RSRC1: variants seen among roughly 807,000 people sequenced by gnomAD.
The protein encoded by RSRC1 is serine/Arginine-related protein 53.
A neutral mutation model predicts 49.1 loss-of-function variants in RSRC1; 39 were observed. The ratio of observed to expected loss-of-function variants is 0.79; its 90% CI spans 0.61 to 1.04. The LOEUF (loss-of-function observed/expected upper bound fraction) is 1.04. RSRC1 is among the 50% of genes least tolerant of loss of function. The pLI is 0.00. For synonymous variants in RSRC1, 143 were observed against 130.8 expected (o/e 1.09, Z -0.63); for missense variants, 388 against 402.4 (o/e 0.96, Z 0.31).
intron 5 of RSRC1, among the ~76,000 whole-genome samples, chr3:158,323,988 G>A (rs1728918252): frequency 6.6e-6 from 1 of 152,028 alleles, no homozygotes; most frequent in African/African-American, 2.4e-5. Flanking sequence ...ATCTAAATTT[G>A]TATCCTGCAT....
chr3:158,423,730 G>A (rs1466496054), intron 6 of RSRC1, among the ~76,000 whole-genome samples: 2 of 151,998 alleles, frequency 1.3e-5, no homozygotes, highest in African/African-American at 2.4e-5. Flanking sequence ...TCTTTCATTT[G>A]TTGTATCCTC....
chr3:158,335,748 GCCAC>G (rs1236072757), intron 5 of RSRC1, among the ~76,000 whole-genome samples: 1 of 152,158 alleles, frequency 6.6e-6, no homozygotes, highest in Non-Finnish European at 1.5e-5. Context: ...ACTCAATTCT[GCCAC>G]TTGGAGCCAT....
At chr3:158,423,994 G>T (rs1469308853) in intron 6 of RSRC1, among the ~76,000 whole-genome samples, 2 of 149,760 alleles carry the variant, frequency 1.3e-5, no homozygotes, top group African/African-American at 2.5e-5. Flanking sequence ...GGGTTTTCTA[G>T]ATATACAATC....
At chr3:158,425,481 A>G (rs2108346914) in intron 6 of RSRC1, among the ~76,000 whole-genome samples, 1 of 152,158 alleles carries the variant, frequency 6.6e-6, no homozygotes, top group Admixed American at 6.6e-5. Context: ...ACATTTGCTG[A>G]GGAGAGCTTT....
intron 5 of RSRC1, among the ~76,000 whole-genome samples, chr3:158,325,995 T>C (rs1260446863): frequency 6.6e-6 from 1 of 152,198 alleles, no homozygotes. Context: ...GAAGCAATAG[T>C]GAATAGCAGT....
At chr3:158,179,922 T>C (rs150357115) in intron 3 of RSRC1, among the ~76,000 whole-genome samples, 152 of 152,334 alleles carry the variant, frequency 1.0e-3, no homozygotes, top group African/African-American at 3.4e-3. Flanking sequence ...TGTTATCTGA[T>C]CTGATAGTTG....
chr3:158,414,831 GA>G (rs1001577803), intron 6 of RSRC1, among the ~76,000 whole-genome samples: 16 of 151,914 alleles, frequency 1.1e-4, no homozygotes, highest in South Asian at 6.2e-4. Context: ...CAATTTTCAA[GA>G]AAAAAAATCT....
chr3:158,141,798 C>G (rs1716764359), intron 3 of RSRC1, among the ~76,000 whole-genome samples: 1 of 152,052 alleles, frequency 6.6e-6, no homozygotes. Context: ...GTTATGAGTT[C>G]TTTATCTAAG....
At chr3:158,434,020 A>G (rs1173444232) in intron 6 of RSRC1, among the ~76,000 whole-genome samples, 1 of 151,996 alleles carries the variant, frequency 6.6e-6, no homozygotes, top group Non-Finnish European at 1.5e-5. Context: ...AACTCCAAAG[A>G]CGTTAAAACT....
chr3:158,492,847 C>G (rs957536085), intron 7 of RSRC1, among the ~76,000 whole-genome samples: 3 of 152,156 alleles, frequency 2.0e-5, no homozygotes, highest in African/African-American at 2.4e-5. Flanking sequence ...CCACCCTGCT[C>G]CCACTCCTCC....
intron 7 of RSRC1, among the ~76,000 whole-genome samples, chr3:158,514,067 G>A (rs984317640): frequency 1.3e-5 from 2 of 152,088 alleles, no homozygotes; most frequent in Non-Finnish European, 2.9e-5. Context: ...CAGAAAACCA[G>A]CTCCTGGATT....
intron 7 of RSRC1, among the ~76,000 whole-genome samples, chr3:158,463,846 C>T (rs1255105315): frequency 2.0e-5 from 3 of 152,148 alleles, no homozygotes; most frequent in Non-Finnish European, 2.9e-5. Context: ...TTAGAGTGCA[C>T]TTCATGTCCT....
intron 3 of RSRC1, among the ~76,000 whole-genome samples, chr3:158,188,267 T>A (rs1720040021): frequency 6.6e-6 from 1 of 151,976 alleles, no homozygotes; most frequent in Non-Finnish European, 1.5e-5. Context: ...ACCTTACATT[T>A]ATAGATTAGA....
At chr3:158,488,451 C>T (rs1003656234) in intron 7 of RSRC1, among the ~76,000 whole-genome samples, 1 of 151,994 alleles carries the variant, frequency 6.6e-6, no homozygotes, top group African/African-American at 2.4e-5. Context: ...TCTGTTGTGA[C>T]CTGCCATCCA....
At chr3:158,390,051 C>A (rs1733185645) in intron 6 of RSRC1, among the ~76,000 whole-genome samples, 1 of 152,184 alleles carries the variant, frequency 6.6e-6, no homozygotes, top group Admixed American at 6.5e-5. Flanking sequence ...GAGTAGCAAT[C>A]TTACTGTGCC....
intron 6 of RSRC1, among the ~76,000 whole-genome samples, chr3:158,440,016 T>C (rs1411757027): frequency 6.6e-6 from 1 of 151,108 alleles, no homozygotes; most frequent in Non-Finnish European, 1.5e-5. Context: ...ACCTAATGCA[T>C]GCGGTGCTTA....
chr3:158,327,163 G>C (rs192416332), intron 5 of RSRC1, among the ~76,000 whole-genome samples: 2 of 152,074 alleles, frequency 1.3e-5, no homozygotes, highest in Admixed American at 6.6e-5. Flanking sequence ...TATCAATTTT[G>C]TTGATCGTTT....
chr3:158,351,558 A>G (rs1480711010), intron 5 of RSRC1, among the ~76,000 whole-genome samples: 1 of 152,208 alleles, frequency 6.6e-6, no homozygotes, highest in Non-Finnish European at 1.5e-5. Context: ...TATTTTTAGA[A>G]TCAAATTTCA....
chr3:158,125,576 G>A (rs1482328115), intron 3 of RSRC1, among the ~76,000 whole-genome samples: 2 of 151,968 alleles, frequency 1.3e-5, no homozygotes, highest in East Asian at 1.9e-4. Context: ...TTTGTGTTTC[G>A]AAAAGATACT....
Sources: allele counts gnomAD v4.1 joint callset (sites outside exome capture counted in the v4.1 genomes callset), GRCh38; gene constraint gnomAD v4.1.1; transcripts MANE v1.5; gene names NCBI Gene and HGNC (gene_info 2026-07-23, HGNC 2026-07-21).